Variants in WNK3 observed in about 807,000 individuals in gnomAD.
WNK3 encodes serine/threonine-protein kinase WNK3.
A neutral mutation model predicts 116.7 loss-of-function variants in WNK3; 18 were observed. The observed-to-expected ratio is 0.15, with a 90% CI of 0.11 to 0.23. WNK3 has a LOEUF of 0.23. Among genes scored for constraint, WNK3 ranks in the 10% least tolerant of loss-of-function variants. The pLI is 1.00. For missense variants in WNK3, 993 were observed against 1,323.8 expected, an observed-to-expected ratio of 0.75 and a Z score of 3.88; for synonymous variants, 404 against 469.4, an observed-to-expected ratio of 0.86 and a Z score of 1.80.
chrX:54,348,122 A>ATG (rs1166219355), intron 1 of WNK3, among the ~76,000 whole-genome samples: 4 of 98,531 alleles, frequency 4.1e-5, no homozygotes, highest in African/African-American at 1.4e-4. Flanking sequence ...TTCATTGTAT[A>ATG]TATGTGTGTG....
intron 10 of WNK3, among the ~76,000 whole-genome samples, chrX:54,288,281 A>C (rs1393957564): frequency 1.8e-5 from 2 of 111,415 alleles, no homozygotes; most frequent in South Asian, 3.8e-4. Flanking sequence ...ATGGATGTAT[A>C]ATCTGGACCA....
At position 54,235,533 on chromosome X, in the gene WNK3, C is replaced by T. The variant is rs782558417; in HGVS notation, c.4628+1405G>A. Among the ~76,000 whole-genome samples, 12 of 111,164 alleles carry T rather than the reference C, an allele frequency of 1.1e-4. No homozygotes were observed. The South Asian group carries it at 2.3e-3, about 21-fold the overall frequency. On this transcript the variant is annotated intron_variant, in intron 20 of 23. Transcript: ENST00000354646. ...AACTCCTGACCTCAGGTGATCCACCCGCCTCGGCCTCCTAAAGTGCTGGGA... is the reference window on the plus strand; with the variant it reads ...AACTCCTGACCTCAGGTGATCCACCTGCCTCGGCCTCCTAAAGTGCTGGGA...
chrX:54,341,873 A>T (rs1245172902), intron 1 of WNK3, among the ~76,000 whole-genome samples: 2 of 112,096 alleles, frequency 1.8e-5, no homozygotes, highest in Non-Finnish European at 3.8e-5. Flanking sequence ...TGTAATCAAG[A>T]TTTTACAACT....
chrX:54,314,724 TTGCGCCACAC>T (rs1306001063), intron 2 of WNK3, among the ~76,000 whole-genome samples: 44 of 111,619 alleles, frequency 3.9e-4, no homozygotes, highest in Admixed American at 3.3e-3. Flanking sequence ...TGAGCCATGT[TTGCGCCACAC>T]TGCGCCACAC....
intron 10 of WNK3, among the ~76,000 whole-genome samples, chrX:54,259,576 T>C (rs2068234951): frequency 8.9e-6 from 1 of 111,796 alleles, no homozygotes; most frequent in Admixed American, 9.5e-5. Flanking sequence ...GAAAAAGTTA[T>C]TACTGTTATA....
chrX:54,198,264 C>T (rs2067464674), exon 24 of WNK3: 11 of 982,109 alleles, frequency 1.1e-5, no homozygotes, highest in Middle Eastern at 5.5e-4. Flanking sequence ...ACTTTAATAT[C>T]TTGGGTGTCC....
At chrX:54,317,687 G>A (rs918574924) in intron 2 of WNK3, among the ~76,000 whole-genome samples, 13 of 105,285 alleles carry the variant, frequency 1.2e-4, no homozygotes, top group Non-Finnish European at 2.2e-4. Flanking sequence ...GCTGGAGTGC[G>A]GTGGTGCCAT....
intron 22 of WNK3, 36 bp from the exon 23 acceptor site, chrX:54,202,229 G>A: frequency 8.8e-7 from 1 of 1,133,492 alleles, no homozygotes; most frequent in Non-Finnish European, 1.2e-6. Flanking sequence ...GGGAAACCAT[G>A]AAAAAGAATT....
intron 20 of WNK3, among the ~76,000 whole-genome samples, chrX:54,235,316 C>T (rs1428057547): frequency 8.9e-6 from 1 of 111,785 alleles, no homozygotes; most frequent in African/African-American, 3.2e-5. Flanking sequence ...GATGGAGTCT[C>T]GCTCTGTCAC....
intron 20 of WNK3, among the ~76,000 whole-genome samples, chrX:54,234,776 A>G (rs954037986): frequency 1.9e-5 from 2 of 106,137 alleles, no homozygotes; most frequent in African/African-American, 6.9e-5. Context: ...CAGTGAGCCG[A>G]GATCACGCCA....
chrX:54,325,258 T>TA (rs1400559383), intron 2 of WNK3, among the ~76,000 whole-genome samples: 1 of 111,541 alleles, frequency 9.0e-6, no homozygotes, highest in Non-Finnish European at 1.9e-5. Context: ...AAAGGTCTGT[T>TA]ACCCTCCAAA....
intron 10 of WNK3, among the ~76,000 whole-genome samples, chrX:54,268,150 C>T (rs2068338513): frequency 9.5e-6 from 1 of 105,492 alleles, no homozygotes; most frequent in Non-Finnish European, 1.9e-5. Context: ...CTGCTGAGAA[C>T]TCTAGAAGCA....
At chrX:54,195,094 A>T (rs1386169906) in exon 24 of WNK3, 1 of 112,187 alleles carries the variant, frequency 8.9e-6, no homozygotes, top group Non-Finnish European at 1.9e-5. Context: ...CATTAGATTT[A>T]CACCAATACT....
At chrX:54,208,928 C>A (rs1464578261) in intron 22 of WNK3, among the ~76,000 whole-genome samples, 1 of 111,745 alleles carries the variant, frequency 8.9e-6, no homozygotes, top group Non-Finnish European at 1.9e-5. Context: ...CACATTTCTA[C>A]CCAGGAAAGC....
chrX:54,345,032 G>A (rs2069394807), intron 1 of WNK3, among the ~76,000 whole-genome samples: 2 of 109,317 alleles, frequency 1.8e-5, no homozygotes, highest in Admixed American at 2.0e-4. Context: ...GGCGGATCAC[G>A]AGGTCAGGAG....
rs116362380 is a variant in WNK3 at position 54,213,761 on chromosome X, A to C, written c.4871-11568T>G. ...CTTCTATCAAGAATCACAAAGAAAA[A>C]AAGAGAAGACAAATTAAATATCAGG... On this transcript the variant is annotated intron_variant, in intron 22 of 23. Transcript: ENST00000354646. Among the ~76,000 whole-genome samples, 793 of 109,470 alleles carry C rather than the reference A, an allele frequency of 7.2e-3. 9 individuals carry two copies. The highest frequency in any genetic ancestry group is 0.025 in the African/African-American group (759 of 29,788).
At chrX:54,282,270 C>T (rs542033046) in intron 10 of WNK3, among the ~76,000 whole-genome samples, 2 of 110,212 alleles carry the variant, frequency 1.8e-5, no homozygotes, top group African/African-American at 6.6e-5. Flanking sequence ...GTCTTGAATT[C>T]CTGGGCTAAA....
rs1292959762 is a variant in WNK3 at position 54,213,147 on chromosome X, A to AT, written c.4871-10955dup. Among the ~76,000 whole-genome samples, 4 of 107,840 alleles carry AT rather than the reference A, an allele frequency of 3.7e-5. 1 individual carries two copies. The South Asian group carries it at 1.2e-3, about 32-fold the overall frequency. 93.6% of individuals were successfully genotyped at this position (107,840 alleles called of 115,157 possible). A position where few individuals can be genotyped will look rare whatever the true frequency, so the allele number is the denominator to read the frequency against. The stretch of plus-strand genomic sequence containing the variant: ...AGGTGTGCGCTACCATGACGGGCTA[A>AT]TTTTTTTTTTAAATTTTTTGTAGAT... On this transcript the variant is annotated intron_variant, in intron 22 of 23. Coordinates refer to ENST00000354646, the Ensembl canonical transcript of WNK3.
intron 11 of WNK3, among the ~76,000 whole-genome samples, chrX:54,258,167 A>G (rs1420242358): frequency 9.6e-6 from 1 of 104,632 alleles, no homozygotes; most frequent in African/African-American, 3.5e-5. Context: ...AATCCCAGCT[A>G]CTTGGGAGGC....
Sources: allele counts gnomAD v4.1 joint callset (sites outside exome capture counted in the v4.1 genomes callset), GRCh38; gene constraint gnomAD v4.1.1; transcripts MANE v1.5; gene names NCBI Gene and HGNC (gene_info 2026-07-23, HGNC 2026-07-21).